Variants in NOX4 observed in about 807,000 individuals in gnomAD.
The protein encoded by NOX4 is kidney oxidase-1.
Under a neutral mutation model 87.6 loss-of-function variants are expected in NOX4, and 69 were observed. The observed-to-expected ratio is 0.79, with a 90% confidence interval of 0.65 to 0.96. The LOEUF (loss-of-function observed/expected upper bound fraction) is 0.96. NOX4 is among the 40% of genes least tolerant of loss of function. The pLI, the probability that NOX4 is intolerant of heterozygous loss-of-function variation, is 0.00. For synonymous variants in NOX4, 275 were observed against 238.2 expected, an observed-to-expected ratio of 1.15 and a Z score of -1.42; for missense variants, 680 against 681.5, an observed-to-expected ratio of 1.00 and a Z score of 0.02.
intron 2 of NOX4, among the ~76,000 whole-genome samples, chr11:89,460,309 A>G (rs1945394661): frequency 6.6e-6 from 1 of 152,200 alleles, no homozygotes; most frequent in African/African-American, 2.4e-5. Flanking sequence ...CAATTGACAA[A>G]TGGGATCTAA....
upstream of NOX4, among the ~76,000 whole-genome samples, chr11:89,493,923 T>C (rs911685278): frequency 5.9e-5 from 9 of 151,872 alleles, no homozygotes; most frequent in African/African-American, 1.9e-4. Context: ...CCCAGCTAAT[T>C]TGTGTATTTT....
At chr11:89,350,278 C>T (rs1046125473) in intron 13 of NOX4, among the ~76,000 whole-genome samples, 2 of 152,146 alleles carry the variant, frequency 1.3e-5, no homozygotes, top group Non-Finnish European at 2.9e-5. Context: ...TTTTAAATGC[C>T]TTTCCTTTAA....
chr11:89,444,008 T>C (rs184040698), intron 5 of NOX4, 127 bp downstream of exon 5: 1 of 712,670 alleles, frequency 1.4e-6, no homozygotes, highest in African/African-American at 1.8e-5. Context: ...AAAGCTCAAC[T>C]TGACAACTGC....
chr11:89,371,958 T>C (rs1939477199), intron 12 of NOX4, among the ~76,000 whole-genome samples: 1 of 151,944 alleles, frequency 6.6e-6, no homozygotes, highest in South Asian at 2.1e-4. Context: ...CTGGCTACCC[T>C]TTCTAAAGAC....
intron 12 of NOX4, among the ~76,000 whole-genome samples, chr11:89,368,791 C>T (rs918604609): frequency 6.6e-6 from 1 of 152,056 alleles, no homozygotes; most frequent in Non-Finnish European, 1.5e-5. Context: ...GGGAAGCTAT[C>T]AGACATGACT....
the NOX4 span, among the ~76,000 whole-genome samples, chr11:89,508,580 T>G: frequency 6.6e-6 from 1 of 152,052 alleles, no homozygotes; most frequent in Non-Finnish European, 1.5e-5. Flanking sequence ...CTTTTCATAT[T>G]TTTTGATATG....
chr11:89,421,976 A>G lies in NOX4; in HGVS notation c.555T>C (p.Ser185=). 6.5e-7 allele frequency: 1 copy of G among 1,527,782 alleles called. No individual in the cohort carries two copies. The highest frequency in any genetic ancestry group is 1.7e-4 in the Middle Eastern group (1 of 5,776). The allele number at this position is 1,527,782 out of a possible 1,614,324, so 94.6% of individuals were successfully genotyped here. ...GAGTATACCAGAAGATATCATAGTTAGAAACTCTGCAAAAACAAATACACT... is the reference window on the plus strand; with the variant it reads ...GAGTATACCAGAAGATATCATAGTTGGAAACTCTGCAAAAACAAATACACT... ...ITASTYAIRV[S]NYDIFWYTHN... The change falls in exon 8 of 18, where the codon TCT becomes TCC. Residue 185 remains serine (S), a synonymous_variant. Transcript: ENST00000263317.
chr11:89,357,925 CAT>C (rs1235433708), intron 12 of NOX4, among the ~76,000 whole-genome samples: 1 of 151,750 alleles, frequency 6.6e-6, no homozygotes, highest in Non-Finnish European at 1.5e-5. Context: ...CGTGTGTGTG[CAT>C]ACACACACAC....
the NOX4 span, among the ~76,000 whole-genome samples, chr11:89,518,803 A>T: frequency 3.3e-5 from 5 of 152,202 alleles, no homozygotes. Context: ...TCTGATCCAC[A>T]GTGCTCTAAG....
the NOX4 span, among the ~76,000 whole-genome samples, chr11:89,538,467 G>C: frequency 6.6e-6 from 1 of 152,074 alleles, no homozygotes; most frequent in African/African-American, 2.4e-5. Context: ...AATTGTTTTT[G>C]AAATTCTGCT....
intron 13 of NOX4, among the ~76,000 whole-genome samples, chr11:89,354,381 G>T (rs968011577): frequency 5.3e-5 from 8 of 152,088 alleles, no homozygotes; most frequent in Non-Finnish European, 1.0e-4. Context: ...GGAAGATGAA[G>T]GCATATTCCT....
chr11:89,442,344 C>T (rs899049312), intron 5 of NOX4, among the ~76,000 whole-genome samples: 3 of 152,016 alleles, frequency 2.0e-5, no homozygotes, highest in Non-Finnish European at 4.4e-5. Context: ...GAATTTGGCA[C>T]TGTCCATCAA....
intron 13 of NOX4, among the ~76,000 whole-genome samples, chr11:89,349,535 C>A (rs1441363620): frequency 1.3e-5 from 2 of 152,020 alleles, no homozygotes; most frequent in Non-Finnish European, 2.9e-5. Context: ...GTCATTTTTA[C>A]GTAGCCCATT....
At chr11:89,428,930 C>T (rs1016190427) in intron 7 of NOX4, among the ~76,000 whole-genome samples, 3 of 152,324 alleles carry the variant, frequency 2.0e-5, no homozygotes, top group Non-Finnish European at 2.9e-5. Context: ...AGAACCACAT[C>T]GCACTTATTC....
chr11:89,416,040 T>G (rs2135242701), intron 8 of NOX4, among the ~76,000 whole-genome samples: 1 of 152,248 alleles, frequency 6.6e-6, no homozygotes, highest in South Asian at 2.1e-4. Context: ...GCTCAAAGTC[T>G]ACATTAAAAC....
At chr11:89,555,398 T>C in the NOX4 span, among the ~76,000 whole-genome samples, 1 of 151,948 alleles carries the variant, frequency 6.6e-6, no homozygotes, top group Admixed American at 6.6e-5. Context: ...AGCAGGAAGA[T>C]CACTTGAACC....
intron 8 of NOX4, among the ~76,000 whole-genome samples, chr11:89,414,062 C>T (rs371243638): frequency 2.0e-5 from 3 of 151,984 alleles, no homozygotes; most frequent in Middle Eastern, 3.4e-3. Context: ...CTGGGAGATA[C>T]AATTATTTTT....
chr11:89,522,263 A>G, the NOX4 span, among the ~76,000 whole-genome samples: 1 of 152,208 alleles, frequency 6.6e-6, no homozygotes, highest in African/African-American at 2.4e-5. Context: ...TAGCAAAGAC[A>G]TGGAATCAAT....
intron 8 of NOX4, among the ~76,000 whole-genome samples, chr11:89,410,604 A>C (rs1942426149): frequency 6.6e-6 from 1 of 152,180 alleles, no homozygotes; most frequent in South Asian, 2.1e-4. Context: ...AAGAGAACTC[A>C]GTGTTGCCCT....
Sources: allele counts gnomAD v4.1 joint callset (sites outside exome capture counted in the v4.1 genomes callset), GRCh38; gene constraint gnomAD v4.1.1; transcripts MANE v1.5; gene names NCBI Gene and HGNC (gene_info 2026-07-23, HGNC 2026-07-21).